CBL: variants seen among roughly 807,000 people sequenced by gnomAD.
CBL encodes E3 ubiquitin-protein ligase CBL.
In CBL, 45 loss-of-function variants were observed where a neutral mutation model predicts 96.9. The ratio of observed to expected loss-of-function variants is 0.46; its 90% confidence interval spans 0.37 to 0.60. CBL has a LOEUF of 0.60. Ranked by LOEUF, CBL falls within the 20% of genes least tolerant of loss-of-function variation. CBL has a pLI of 0.00. For synonymous variants in CBL, 420 were observed against 426.8 expected (o/e 0.98, Z 0.20); for missense variants, 1,024 against 1,143.5 (o/e 0.90, Z 1.51).
chr11:119,273,750 G>C (rs568058906), intron 3 of CBL, 118 bp from the exon 4 acceptor site: 2 of 870,222 alleles, frequency 2.3e-6, no homozygotes, highest in African/African-American at 3.4e-5. Context: ...TTTGAATTAC[G>C]AGAATTGAAA....
In CBL at chr11:119,276,058, G is replaced by A; in HGVS notation, c.931G>A (p.Asp311Asn). ...GTGGGCTATTGGGTATGTTACTGCTGATGGGAACATTCTCCAGACAATCCC... is the reference window on the plus strand; with the variant it reads ...GTGGGCTATTGGGTATGTTACTGCTAATGGGAACATTCTCCAGACAATCCC... ...GQWAIGYVTA[D>N]GNILQTIPHN... is the part of the protein sequence containing the mutation. The change falls in exon 6 of 16, where the codon GAT becomes AAT. Residue 311 changes from aspartate to asparagine, a missense_variant. By Grantham distance (23) the Asp-to-Asn change is conservative. Coordinates refer to ENST00000264033, the MANE Select transcript of CBL (RefSeq NM_005188.4). The A allele has an allele frequency of 6.2e-7, 1 of 1,613,730 alleles. No individual in the cohort carries two copies. Among genetic ancestry groups the A allele is most frequent in the Non-Finnish European group, 8.5e-7 (1 of 1,179,658 alleles).
chr11:119,293,143 C>T (rs568593823), intron 12 of CBL, among the ~76,000 whole-genome samples: 8 of 151,780 alleles, frequency 5.3e-5, no homozygotes, highest in Admixed American at 3.3e-4. Context: ...CTCACTCTGT[C>T]GCCCAGGTTG....
intron 5 of CBL, among the ~76,000 whole-genome samples, chr11:119,275,683 C>T (rs986162405): frequency 1.3e-5 from 2 of 151,536 alleles, no homozygotes; most frequent in Non-Finnish European, 2.9e-5. Flanking sequence ...GCCAACATGG[C>T]GAAACCCCAT....
At chr11:119,284,866 G>GTT in intron 9 of CBL, 103 bp from the exon 10 acceptor site, 1 of 1,418,364 alleles carries the variant, frequency 7.1e-7, no homozygotes, top group South Asian at 1.2e-5. Context: ...CCCATTTGTA[G>GTT]TTTAAGTGTT....
At chr11:119,239,184 C>T (rs1374094313) in intron 2 of CBL, among the ~76,000 whole-genome samples, 2 of 151,988 alleles carry the variant, frequency 1.3e-5, no homozygotes, top group Non-Finnish European at 2.9e-5. Flanking sequence ...TTGCCCATGC[C>T]GGTCTCAAAC....
At chr11:119,211,080 T>C (rs12365984) in intron 1 of CBL, among the ~76,000 whole-genome samples, 2 of 152,114 alleles carry the variant, frequency 1.3e-5, no homozygotes, top group Non-Finnish European at 2.9e-5. Flanking sequence ...TTCCAAAATA[T>C]CTTATTGTAG....
At chr11:119,258,885 G>A (rs1288558940) in intron 2 of CBL, among the ~76,000 whole-genome samples, 5 of 152,198 alleles carry the variant, frequency 3.3e-5, no homozygotes, top group East Asian at 1.9e-4. Flanking sequence ...TCATTTTCAC[G>A]ATACTGATTC....
intron 2 of CBL, among the ~76,000 whole-genome samples, chr11:119,270,059 C>T (rs1193983705): frequency 6.6e-6 from 1 of 151,976 alleles, no homozygotes; most frequent in Non-Finnish European, 1.5e-5. Flanking sequence ...TACATAAATA[C>T]AAATTATTGG....
In CBL at chr11:119,206,538, C is replaced by G; in HGVS notation, c.121C>G (p.His41Asp). ...DAFQPHHHHH[H>D]HLSPHPPGTV... ...CTTCCAGCCGCACCACCACCACCAC[C>G]ACCACCTCAGCCCCCACCCGCCGGG... is the stretch of plus-strand genomic sequence containing the variant. The change falls in exon 1 of 16, where the codon CAC becomes GAC. Residue 41 changes from histidine to aspartate, a missense_variant. Physicochemically the swap from His to Asp is moderately conservative, Grantham distance 81. Transcript: ENST00000264033. 6.4e-7 allele frequency: 1 copy of G among 1,553,086 alleles called. No individual in the cohort carries two copies. Among genetic ancestry groups the G allele is most frequent in the South Asian group, 1.2e-5 (1 of 84,390 alleles).
intron 2 of CBL, among the ~76,000 whole-genome samples, chr11:119,236,753 G>C (rs1470822483): frequency 2.6e-5 from 4 of 151,754 alleles, no homozygotes; most frequent in African/African-American, 2.4e-5. Context: ...CTGATTTTTT[G>C]CTAACAATTG....
intron 7 of CBL, 32 bp from the exon 8 acceptor site, chr11:119,278,134 A>T (rs1275585711): frequency 6.7e-7 from 1 of 1,496,240 alleles, no homozygotes; most frequent in Non-Finnish European, 9.3e-7. Flanking sequence ...TATTTATTCA[A>T]CTAATAGTCT....
intron 13 of CBL, 84 bp from the exon 14 acceptor site, chr11:119,297,300 C>G (rs1179784924): frequency 6.8e-5 from 78 of 1,141,884 alleles, no homozygotes; most frequent in Non-Finnish European, 9.4e-5. Context: ...GTGATATTGG[C>G]AAAACGAGAA....
chr11:119,287,687 C>T (rs1250107802), intron 11 of CBL, among the ~76,000 whole-genome samples, 165 bp from the exon 12 acceptor site: 3 of 152,160 alleles, frequency 2.0e-5, no homozygotes, highest in Non-Finnish European at 4.4e-5. Context: ...GAAGGTTCTT[C>T]GGAGCCTTAA....
rs372219501 is a variant in CBL, at chr11:119,222,201, T to TGTA, written c.196-10246_196-10245insTAG. On this transcript the variant is annotated intron_variant, in intron 1 of 15. Transcript: ENST00000264033. ...TATTTATTTTAGTCTTACATGTGTA[T>TGTA]GGTTTTCTGCCTAATTAGAAACACA... is the stretch of plus-strand genomic sequence containing the variant. 6.3e-3 allele frequency among the ~76,000 whole-genome samples: 954 copies of TGTA among 152,346 alleles called. 5 individuals carry two copies. The highest frequency in any genetic ancestry group is 0.011 in the Admixed American group (176 of 15,306).
At chr11:119,246,868 C>T (rs372458928) in intron 2 of CBL, among the ~76,000 whole-genome samples, 8 of 152,160 alleles carry the variant, frequency 5.3e-5, no homozygotes, top group Non-Finnish European at 1.2e-4. Flanking sequence ...TGCATGATTT[C>T]GTAACACACA....
At chr11:119,288,322 A>C (rs1950000172) in intron 12 of CBL, among the ~76,000 whole-genome samples, 1 of 152,206 alleles carries the variant, frequency 6.6e-6, no homozygotes, top group African/African-American at 2.4e-5. Flanking sequence ...AAAATACCAC[A>C]TATTGGGTGG....
intron 2 of CBL, among the ~76,000 whole-genome samples, chr11:119,265,424 A>G (rs1434771350): frequency 6.6e-6 from 1 of 152,240 alleles, no homozygotes; most frequent in East Asian, 1.9e-4. Context: ...CTAGCCCTGT[A>G]TAGGGTTTAT....
At chr11:119,213,798 C>G (rs1949336760) in intron 1 of CBL, among the ~76,000 whole-genome samples, 1 of 152,046 alleles carries the variant, frequency 6.6e-6, no homozygotes, top group African/African-American at 2.4e-5. Flanking sequence ...CCTTAAGCGT[C>G]TGGGCTCAAG....
intron 2 of CBL, among the ~76,000 whole-genome samples, chr11:119,264,069 C>T (rs1299314618): frequency 1.3e-5 from 2 of 152,144 alleles, no homozygotes; most frequent in African/African-American, 2.4e-5. Flanking sequence ...ACCCTGTAAT[C>T]GTATTGTATA....
Sources: allele counts gnomAD v4.1 joint callset (sites outside exome capture counted in the v4.1 genomes callset), GRCh38; gene constraint gnomAD v4.1.1; transcripts MANE v1.5; gene names NCBI Gene and HGNC (gene_info 2026-07-23, HGNC 2026-07-21).